The following TUSC3 variants were observed in gnomAD, a reference collection of about 807,000 sequenced individuals.
The protein encoded by TUSC3 is tumor suppressor candidate 3, also known as dolichyl-diphosphooligosaccharide--protein glycosyltransferase subunit TUSC3.
A neutral mutation model predicts 44.8 loss-of-function variants in TUSC3; 45 were observed. The observed-to-expected ratio is 1.00, with a 90% CI of 0.79 to 1.29. The LOEUF is 1.29. Among genes scored for constraint, TUSC3 ranks in the 50% most tolerant of loss-of-function variants. TUSC3 has a pLI of 0.00. For missense variants in TUSC3, 519 were observed against 437.9 expected (o/e 1.19, Z -1.65); for synonymous variants, 212 against 152.9 (o/e 1.39, Z -2.85).
At chr8:15,439,628 A>C (rs12155687) in intron 1 of TUSC3, among the ~76,000 whole-genome samples, 84,219 of 152,138 alleles carry the variant, frequency 0.55, 26,827 homozygotes, top group East Asian at 0.69. Flanking sequence ...ACTGTGTTTT[A>C]ACAAAGTTAG....
chr8:15,446,561 A>G (rs1388822485), intron 1 of TUSC3, among the ~76,000 whole-genome samples: 3 of 151,948 alleles, frequency 2.0e-5, no homozygotes, highest in South Asian at 4.2e-4. Flanking sequence ...CCCCGTCTCC[A>G]CCAAAAAATA....
At chr8:15,569,070 T>A (rs1802774843) in intron 1 of TUSC3, among the ~76,000 whole-genome samples, 1 of 152,150 alleles carries the variant, frequency 6.6e-6, no homozygotes, top group African/African-American at 2.4e-5. Context: ...TATTAAATGA[T>A]CAAATTTTGA....
intron 6 of TUSC3, among the ~76,000 whole-genome samples, chr8:15,707,618 G>C (rs1809669927): frequency 6.6e-6 from 1 of 151,852 alleles, no homozygotes; most frequent in Admixed American, 6.6e-5. Context: ...ATTTCTGCGA[G>C]AGCAAAGATG....
chr8:15,693,387 T>C lies in TUSC3; in HGVS notation c.798+19551T>C, dbSNP rs529723697. Among the ~76,000 whole-genome samples the C allele has an allele frequency of 2.6e-5, 4 of 152,086 alleles. No individual in the cohort carries two copies. The South Asian group carries it at 6.2e-4, about 24-fold the overall frequency. ...TCCCTTTCAGAAAAGGATGTCTTACTTATTTGCTTATGAAGCTGAAGTTGG... is the reference window on the plus strand; with the variant it reads ...TCCCTTTCAGAAAAGGATGTCTTACCTATTTGCTTATGAAGCTGAAGTTGG... On this transcript the variant is annotated intron_variant, in intron 6 of 10. Transcript: ENST00000503731.
chr8:15,816,015 A>G, the TUSC3 span, among the ~76,000 whole-genome samples: 1 of 152,146 alleles, frequency 6.6e-6, no homozygotes, highest in African/African-American at 2.4e-5. Flanking sequence ...AAGAGGTACT[A>G]GATATATTAA....
At chr8:15,668,349 T>C (rs1197842991) in intron 5 of TUSC3, among the ~76,000 whole-genome samples, 2 of 151,886 alleles carry the variant, frequency 1.3e-5, no homozygotes, top group South Asian at 2.1e-4. Context: ...TGATCAGTCT[T>C]AGAATAGTGA....
intron 1 of TUSC3, among the ~76,000 whole-genome samples, chr8:15,449,861 C>T (rs928925811): frequency 4.0e-5 from 6 of 151,772 alleles, no homozygotes; most frequent in Non-Finnish European, 7.4e-5. Flanking sequence ...TTTACTGTAC[C>T]TTTTTTATGT....
At chr8:15,739,612 C>T (rs759709433) in intron 7 of TUSC3, among the ~76,000 whole-genome samples, 1 of 151,340 alleles carries the variant, frequency 6.6e-6, no homozygotes, top group Non-Finnish European at 1.5e-5. Flanking sequence ...TCATAGACAT[C>T]TTTAAAATGG....
intron 1 of TUSC3, among the ~76,000 whole-genome samples, chr8:15,458,464 C>G (rs1800292354): frequency 6.6e-6 from 1 of 152,136 alleles, no homozygotes; most frequent in Admixed American, 6.5e-5. Context: ...GTCTCAAACT[C>G]CTGAGCTCAA....
At chr8:15,549,034 A>G (rs1801965628) in intron 1 of TUSC3, among the ~76,000 whole-genome samples, 1 of 151,846 alleles carries the variant, frequency 6.6e-6, no homozygotes, top group South Asian at 2.1e-4. Flanking sequence ...AAAAAATTGT[A>G]GGAAAAAGAT....
intron 1 of TUSC3, among the ~76,000 whole-genome samples, chr8:15,565,797 G>A (rs1216551598): frequency 6.6e-6 from 1 of 152,074 alleles, no homozygotes; most frequent in African/African-American, 2.4e-5. Context: ...AAAGCCATGT[G>A]TTGCGGATGG....
chr8:15,658,958 T>A (rs1807297351), intron 3 of TUSC3, among the ~76,000 whole-genome samples: 2 of 152,108 alleles, frequency 1.3e-5, no homozygotes, highest in Admixed American at 6.6e-5. Flanking sequence ...CTGGTAAATT[T>A]AACTTGTTAA....
chr8:15,618,555 C>A (rs1454382005), intron 1 of TUSC3, among the ~76,000 whole-genome samples: 1 of 152,164 alleles, frequency 6.6e-6, no homozygotes, highest in Admixed American at 6.6e-5. Context: ...GGTGCAATAA[C>A]AGTTATGGAA....
intron 3 of TUSC3, 62 bp from the exon 4 acceptor site, chr8:15,659,445 T>C (rs1807322113): frequency 6.3e-7 from 1 of 1,577,064 alleles, no homozygotes; most frequent in South Asian, 1.1e-5. Context: ...AGAAAAAGTG[T>C]AAAATATTGG....
At chr8:15,672,026 A>G (rs1807970782) in intron 5 of TUSC3, among the ~76,000 whole-genome samples, 1 of 152,022 alleles carries the variant, frequency 6.6e-6, no homozygotes, top group African/African-American at 2.4e-5. Context: ...AGAACCATTT[A>G]TGGGCCATGA....
At chr8:15,784,432 A>G in the TUSC3 span, among the ~76,000 whole-genome samples, 4 of 152,174 alleles carry the variant, frequency 2.6e-5, no homozygotes, top group Non-Finnish European at 5.9e-5. Context: ...ATTATTCACA[A>G]TAGCCAAGAT....
chr8:15,803,673 G>A, the TUSC3 span, among the ~76,000 whole-genome samples: 7 of 152,106 alleles, frequency 4.6e-5, no homozygotes, highest in Non-Finnish European at 1.0e-4. Context: ...TTTAAGCCCT[G>A]CATGCATTAG....
chr8:15,779,104 TTTTTTTTTTTTTTTC>T, the TUSC3 span, among the ~76,000 whole-genome samples: 1 of 115,438 alleles, frequency 8.7e-6, no homozygotes, highest in South Asian at 2.8e-4. Context: ...TTTTCTTTTT[TTTTTTTTTTTTTTTC>T]CACGTTACTT....
chr8:15,731,956 G>A (rs28432329), intron 7 of TUSC3, among the ~76,000 whole-genome samples: 6 of 152,134 alleles, frequency 3.9e-5, no homozygotes, highest in African/African-American at 1.4e-4. Context: ...GATGGAAAAT[G>A]TTTGAAGCAC....
Sources: allele counts gnomAD v4.1 joint callset (sites outside exome capture counted in the v4.1 genomes callset), GRCh38; gene constraint gnomAD v4.1.1; transcripts MANE v1.5; gene names NCBI Gene and HGNC (gene_info 2026-07-23, HGNC 2026-07-21).